LTBP2: variants seen among roughly 807,000 people sequenced by gnomAD.
LTBP2 encodes the protein latent-transforming growth factor beta-binding protein 2.
A neutral mutation model predicts 210.6 loss-of-function variants in LTBP2; 103 were observed. The ratio of observed to expected loss-of-function variants is 0.49; its 90% CI spans 0.42 to 0.58. LTBP2 has a LOEUF of 0.58. LTBP2 is among the 20% of genes least tolerant of loss of function. LTBP2 has a pLI of 0.00. For synonymous variants in LTBP2, 1,007 were observed against 1,015.0 expected (o/e 0.99, Z 0.15); for missense variants, 2,313 against 2,494.5 (o/e 0.93, Z 1.55).
chr14:74,562,469 A>G (rs1215475317), intron 3 of LTBP2, among the ~76,000 whole-genome samples: 1 of 152,184 alleles, frequency 6.6e-6, no homozygotes, highest in Non-Finnish European at 1.5e-5. Flanking sequence ...ACCCACCTTA[A>G]AGTAAAAAGA....
intron 21 of LTBP2, 151 bp downstream of exon 21, chr14:74,509,583 C>T (rs1427650159): frequency 4.0e-6 from 5 of 1,248,584 alleles, no homozygotes; most frequent in Non-Finnish European, 5.7e-6. Flanking sequence ...ACAATAGAAG[C>T]TCTTGTTGGG....
rs551700310 is a variant in LTBP2, at chr14:74,611,974, C to T, written c.-30G>A. On this transcript the variant is annotated 5_prime_UTR_variant, in exon 1 of 36. Coordinates refer to ENST00000261978, the MANE Select transcript of LTBP2 (RefSeq NM_000428.3). ...CGGGGCGGCTGGAGAGTGGTGCGCG[C>T]GGGCACCGCGAAGAGCTTTGTGGTC... 5 of 1,530,822 alleles carry T rather than the reference C, an allele frequency of 3.3e-6. No individual in the cohort carries two copies. Among genetic ancestry groups the T allele is most frequent in the East Asian group, 2.4e-5 (1 of 42,406 alleles). The allele number at this position is 1,530,822 out of a possible 1,614,324, so 94.8% of individuals were successfully genotyped here. A position where few individuals can be genotyped will look rare whatever the true frequency, so the allele number is the denominator to read the frequency against.
At chr14:74,508,396 C>G (rs193165209) in intron 24 of LTBP2, among the ~76,000 whole-genome samples, 47 of 152,186 alleles carry the variant, frequency 3.1e-4, no homozygotes, top group African/African-American at 1.0e-3. Flanking sequence ...GAGTCCCTCC[C>G]TCCCTGAGCC....
In LTBP2 at chr14:74,510,078, A is replaced by T; in HGVS notation, c.3151+13T>A. Reference sequence around the variant, plus strand: ...TCGGCCTGCGGAGAAGGGGCGCTTCAGCATCTCTGTACCTTGGCAGCCCTT... The same window carrying T: ...TCGGCCTGCGGAGAAGGGGCGCTTCTGCATCTCTGTACCTTGGCAGCCCTT... On this transcript the variant is annotated intron_variant, in intron 20 of 35. Transcript: ENST00000261978. 3 of 1,614,012 alleles carry T rather than the reference A, an allele frequency of 1.9e-6. No individual in the cohort carries two copies. The highest frequency in any genetic ancestry group is 2.5e-6 in the Non-Finnish European group (3 of 1,180,008).
chr14:74,608,603 G>C (rs1269137583), intron 1 of LTBP2, among the ~76,000 whole-genome samples: 1 of 151,796 alleles, frequency 6.6e-6, no homozygotes, highest in African/African-American at 2.4e-5. Flanking sequence ...CCAGTTACTA[G>C]GGAGGCTGAG....
chr14:74,502,677 G>A lies in LTBP2; in HGVS notation c.5146C>T (p.Pro1716Ser), dbSNP rs1043759007. ...CCTGGATGGCTGGCCACGTAGTGGG[G>A]CTGGAGTTCTGAGGGCTGCAAAGGA... The part of the protein sequence containing the change: ...ESPLQPSELQ[P>S]HYVASHPEPP... Residue 1716 changes from proline to serine, a missense_variant, in exon 34 of 36, where the codon CCC (proline) becomes TCC (serine). Coordinates refer to ENST00000261978, the MANE Select transcript of LTBP2 (RefSeq NM_000428.3). 7 of 1,614,206 alleles carry A rather than the reference G, an allele frequency of 4.3e-6. No homozygotes were observed. Among genetic ancestry groups the A allele is most frequent in the Non-Finnish European group, 5.9e-6 (7 of 1,180,046 alleles).
intron 17 of LTBP2, among the ~76,000 whole-genome samples, chr14:74,518,211 A>G (rs758257921): frequency 9.8e-5 from 15 of 152,336 alleles, no homozygotes; most frequent in African/African-American, 3.6e-4. Context: ...GTCCTTGTGC[A>G]GATTAAATAC....
Position 74,502,852 on chromosome 14 carries a change from A to G in LTBP2, c.4971T>C (p.Tyr1657=). The stretch of plus-strand genomic sequence containing the variant: ...AGTGCAGGTCATCGGGCCCGGGGCC[A>G]TACTCATAGCCTGGCCGGAAGTGGA... ...AGVHFRPGYE[Y]GPGPDDLHYS... is the part of the protein sequence containing the mutation. The change falls in exon 34 of 36, where the codon TAT becomes TAC. Residue 1657 remains tyrosine (Y), a synonymous_variant. Coordinates refer to ENST00000261978, the MANE Select transcript of LTBP2 (RefSeq NM_000428.3). The G allele has an allele frequency of 6.2e-7, 1 of 1,614,024 alleles. No homozygotes were observed. Among genetic ancestry groups the G allele is most frequent in the Non-Finnish European group, 8.5e-7 (1 of 1,180,010 alleles).
intron 8 of LTBP2, 114 bp from the exon 9 acceptor site, chr14:74,536,114 C>T: frequency 1.1e-6 from 1 of 874,980 alleles, no homozygotes; most frequent in Non-Finnish European, 1.9e-6. Flanking sequence ...GCAGTGAGCC[C>T]CAGCCCCCGA....
rs200613879 is a variant in LTBP2 at position 74,550,002 on chromosome 14, C to T, written c.1687-37G>A. 8 of 1,329,096 alleles carry T rather than the reference C, an allele frequency of 6.0e-6. No homozygotes were observed. The East Asian group carries it at 1.4e-4, about 23-fold the overall frequency. 82.3% of individuals were successfully genotyped at this position (1,329,096 alleles called of 1,614,324 possible). The stretch of plus-strand genomic sequence containing the variant: ...GGCCATGGACACCTGTGACCACCCC[C>T]CTTCCCTCCCAGGCTGTGCACAGAG... On this transcript the variant is annotated intron_variant, in intron 7 of 35. Transcript: ENST00000261978.
Position 74,608,687 on chromosome 14 carries a change from A to T in LTBP2, c.494+2764T>A, listed in dbSNP as rs150032160. 9.6e-4 allele frequency among the ~76,000 whole-genome samples: 143 copies of T among 148,288 alleles called. 1 individual carries two copies. Among genetic ancestry groups the T allele is most frequent in the African/African-American group, 3.3e-3 (133 of 40,646 alleles). ...ATAATGTCACTCCAGCCTGAGTGAC[A>T]GGGCAAGAGACTCTATCTCAAAAAA... On this transcript the variant is annotated intron_variant, in intron 1 of 35. Coordinates refer to ENST00000261978, the MANE Select transcript of LTBP2 (RefSeq NM_000428.3).
Position 74,611,519 on chromosome 14 carries a change from G to A in LTBP2, c.426C>T (p.Leu142=). 6.5e-7 allele frequency: 1 copy of A among 1,539,850 alleles called. No individual in the cohort carries two copies. Among genetic ancestry groups the A allele is most frequent in the Non-Finnish European group, 8.7e-7 (1 of 1,152,922 alleles). ...ACCGCTGTGGGGTCCCCAGGCGTGG[G>A]AGAGCCGGCGCGGCCCGGGTCCGGG... is the stretch of plus-strand genomic sequence containing the variant. ...PAPRTRAAPA[L]PRLGTPQRSG... Residue 142 remains leucine (L), a synonymous_variant, in exon 1 of 36, where the codon CTC becomes CTT. Coordinates refer to ENST00000261978, the MANE Select transcript of LTBP2 (RefSeq NM_000428.3).
At chr14:74,600,056 C>T (rs1403504661) in intron 2 of LTBP2, among the ~76,000 whole-genome samples, 1 of 152,142 alleles carries the variant, frequency 6.6e-6, no homozygotes, top group African/African-American at 2.4e-5. Context: ...GAGGGAGGTG[C>T]GGAGCCACAG....
At chr14:74,511,748 G>A (rs1232561133) in intron 18 of LTBP2, among the ~76,000 whole-genome samples, 1 of 152,178 alleles carries the variant, frequency 6.6e-6, no homozygotes, top group Non-Finnish European at 1.5e-5. Context: ...TGGCACAGCA[G>A]CTAACTGGAT....
chr14:74,563,915 A>T (rs2087830887), intron 3 of LTBP2, among the ~76,000 whole-genome samples: 1 of 145,376 alleles, frequency 6.9e-6, no homozygotes, highest in Admixed American at 7.5e-5. Flanking sequence ...ATATTCATAA[A>T]GCAACCTTGG....
At chr14:74,529,206 G>C (rs1400708395) in intron 10 of LTBP2, 84 bp from the exon 11 acceptor site, 1 of 1,492,640 alleles carries the variant, frequency 6.7e-7, no homozygotes, top group African/African-American at 1.4e-5. Flanking sequence ...ATGGAGGTGT[G>C]GCTGGCCACA....
intron 3 of LTBP2, among the ~76,000 whole-genome samples, chr14:74,568,029 G>A (rs1465041157): frequency 6.6e-6 from 1 of 152,202 alleles, no homozygotes; most frequent in Non-Finnish European, 1.5e-5. Context: ...TTGCCACCCA[G>A]ACTGGGGGGC....
At chr14:74,610,338 G>A (rs961708117) in intron 1 of LTBP2, among the ~76,000 whole-genome samples, 1 of 152,264 alleles carries the variant, frequency 6.6e-6, no homozygotes, top group Non-Finnish European at 1.5e-5. Context: ...GCTCAATCCT[G>A]CTGAAATATG....
intron 3 of LTBP2, among the ~76,000 whole-genome samples, chr14:74,572,322 T>TGAGA (rs33960423): frequency 0.021 from 1,696 of 82,548 alleles, 40 homozygotes; most frequent in African/African-American, 0.047. Flanking sequence ...TGTGTGTGTG[T>TGAGA]GAGAGAGAGA....
Sources: allele counts gnomAD v4.1 joint callset (sites outside exome capture counted in the v4.1 genomes callset), GRCh38; gene constraint gnomAD v4.1.1; transcripts MANE v1.5; gene names NCBI Gene and HGNC (gene_info 2026-07-23, HGNC 2026-07-21).